The following HMGCLL1 variants were observed in gnomAD, a reference collection of about 807,000 sequenced individuals.
The protein encoded by HMGCLL1 is 3-hydroxymethyl-3-methylglutaryl-CoA lyase, cytoplasmic.
Under a neutral mutation model 39.1 loss-of-function variants are expected in HMGCLL1, and 36 were observed. The observed-to-expected ratio is 0.92, with a 90% CI of 0.71 to 1.22. The LOEUF (loss-of-function observed/expected upper bound fraction) is 1.22, where lower values mean the gene tolerates loss of function less well. Among genes scored for constraint, HMGCLL1 ranks in the 50% most tolerant of loss-of-function variants. HMGCLL1 has a pLI of 0.00. For synonymous variants in HMGCLL1, 149 were observed against 144.0 expected (o/e 1.03, Z -0.25); for missense variants, 451 against 416.5 (o/e 1.08, Z -0.72).
the HMGCLL1 span, among the ~76,000 whole-genome samples, chr6:55,597,964 A>T: frequency 3.3e-5 from 5 of 152,182 alleles, no homozygotes; most frequent in African/African-American, 9.6e-5. Context: ...TTGTAGAAGG[A>T]TTAGACTGGT....
chr6:55,579,322 G>T, upstream of HMGCLL1: 1 of 545,146 alleles, frequency 1.8e-6, no homozygotes. Context: ...GAAAGGAGCT[G>T]AGCCAGAGGA....
the HMGCLL1 span, among the ~76,000 whole-genome samples, chr6:55,674,749 G>A: frequency 6.6e-6 from 1 of 152,030 alleles, no homozygotes; most frequent in East Asian, 1.9e-4. Context: ...CAGGGCTTAG[G>A]GCTTTTAGAG....
the HMGCLL1 span, among the ~76,000 whole-genome samples, chr6:55,643,618 T>C: frequency 6.6e-6 from 1 of 151,960 alleles, no homozygotes; most frequent in Non-Finnish European, 1.5e-5. Context: ...CACCACATAC[T>C]ACCATTCCCA....
intron 7 of HMGCLL1, among the ~76,000 whole-genome samples, chr6:55,483,926 G>A (rs1765871951): frequency 6.6e-6 from 1 of 152,124 alleles, no homozygotes; most frequent in African/African-American, 2.4e-5. Flanking sequence ...CACAATTTAA[G>A]CACGTTATGT....
At chr6:55,469,435 A>G (rs1323820183) in intron 7 of HMGCLL1, among the ~76,000 whole-genome samples, 3 of 144,148 alleles carry the variant, frequency 2.1e-5, no homozygotes, top group East Asian at 2.0e-4. Flanking sequence ...ATATATAAGT[A>G]TATATACATA....
the HMGCLL1 span, among the ~76,000 whole-genome samples, chr6:55,678,425 A>T: frequency 6.6e-6 from 1 of 152,182 alleles, no homozygotes; most frequent in Non-Finnish European, 1.5e-5. Context: ...AGCTACTAGT[A>T]AGCCTGCTTT....
the HMGCLL1 span, among the ~76,000 whole-genome samples, chr6:55,658,984 C>T: frequency 1.3e-5 from 2 of 151,954 alleles, no homozygotes; most frequent in South Asian, 2.1e-4. Flanking sequence ...AAAGAGGGGG[C>T]AGAGTCTATA....
At chr6:55,658,066 T>G in the HMGCLL1 span, among the ~76,000 whole-genome samples, 1 of 150,922 alleles carries the variant, frequency 6.6e-6, no homozygotes, top group African/African-American at 2.4e-5. Flanking sequence ...AATAAAAATT[T>G]AAAAAAAAAG....
intron 7 of HMGCLL1, among the ~76,000 whole-genome samples, chr6:55,449,937 G>A (rs201043386): frequency 1.3e-5 from 1 of 74,544 alleles, no homozygotes; most frequent in Non-Finnish European, 2.6e-5. Context: ...TTTTACTTTA[G>A]TTAGTCAGTT....
At chr6:55,577,236 A>G (rs1771804771) in intron 1 of HMGCLL1, 1 of 613,508 alleles carries the variant, frequency 1.6e-6, no homozygotes, top group Admixed American at 4.8e-5. Context: ...TTACGATAAG[A>G]TAGAAAAAAT....
chr6:55,664,242 G>A, the HMGCLL1 span, among the ~76,000 whole-genome samples: 5 of 151,790 alleles, frequency 3.3e-5, no homozygotes, highest in Admixed American at 3.3e-4. Flanking sequence ...ATGCCAGCTT[G>A]TTTGTGTGAA....
chr6:55,542,492 C>G (rs764061347), intron 1 of HMGCLL1, among the ~76,000 whole-genome samples: 3 of 151,924 alleles, frequency 2.0e-5, no homozygotes, highest in African/African-American at 4.8e-5. Context: ...TTAAAAATTA[C>G]ATCTTGACCA....
At chr6:55,627,528 T>A in the HMGCLL1 span, among the ~76,000 whole-genome samples, 1 of 151,906 alleles carries the variant, frequency 6.6e-6, no homozygotes, top group Non-Finnish European at 1.5e-5. Context: ...AGTGTCAACT[T>A]CATTGGATTG....
chr6:55,516,499 C>T lies in HMGCLL1; in HGVS notation c.393+9G>A, dbSNP rs533900067. ...CTATCAATTTTAGAGATATTAGTAG[C>T]ACACTTACAGCATGGTGAAAACCCT... On this transcript the variant is annotated intron_variant, in intron 4 of 8. Transcript: ENST00000274901. The T allele has an allele frequency of 4.5e-6, 7 of 1,558,694 alleles. No individual in the cohort carries two copies. In the South Asian group the frequency reaches 4.7e-5, roughly 10 times the overall value.
Position 55,541,736 on chromosome 6 carries a change from A to G in HMGCLL1, c.290T>C (p.Val97Ala), listed in dbSNP as rs1427024058. 2 of 1,562,262 alleles carry G rather than the reference A, an allele frequency of 1.3e-6. No individual in the cohort carries two copies. Among genetic ancestry groups the G allele is most frequent in the East Asian group, 2.3e-5 (1 of 44,310 alleles). Residue 97 changes from valine to alanine, a missense_variant, in exon 3 of 9, where the codon GTA becomes GCA. Coordinates refer to ENST00000274901, the MANE Select transcript of HMGCLL1 (RefSeq NM_001042406.2). ...AATTGTGGGTTTACATACCTGTGGT[A>G]CCCATCTGGAAGACACAAAGCTAGT... ...EVTSFVSSRW[V>A]PQMADHTEVM...
At chr6:55,477,592 C>T (rs998608986) in intron 7 of HMGCLL1, among the ~76,000 whole-genome samples, 12 of 135,442 alleles carry the variant, frequency 8.9e-5, no homozygotes, top group South Asian at 2.2e-4. Flanking sequence ...TAAAAAGTAC[C>T]GGATGCCTAA....
intron 1 of HMGCLL1, among the ~76,000 whole-genome samples, chr6:55,568,424 A>C (rs1389035820): frequency 6.6e-6 from 1 of 152,212 alleles, no homozygotes; most frequent in Non-Finnish European, 1.5e-5. Context: ...AAAGATCATA[A>C]AACCAAACAT....
At chr6:55,462,862 A>T (rs2127397312) in intron 7 of HMGCLL1, among the ~76,000 whole-genome samples, 1 of 152,276 alleles carries the variant, frequency 6.6e-6, no homozygotes, top group South Asian at 2.1e-4. Context: ...GAACGTGTAG[A>T]CACAGCACTG....
chr6:55,488,241 C>G (rs7756162), intron 7 of HMGCLL1, among the ~76,000 whole-genome samples: 1 of 151,734 alleles, frequency 6.6e-6, no homozygotes, highest in African/African-American at 2.4e-5. Flanking sequence ...AATAGTATTA[C>G]TTAACCTGAA....
Sources: allele counts gnomAD v4.1 joint callset (sites outside exome capture counted in the v4.1 genomes callset), GRCh38; gene constraint gnomAD v4.1.1; transcripts MANE v1.5; gene names NCBI Gene and HGNC (gene_info 2026-07-23, HGNC 2026-07-21).